Variants in PICALM observed in about 807,000 individuals in gnomAD.
The protein encoded by PICALM is phosphatidylinositol binding clathrin assembly protein.
Under a neutral mutation model 80.5 loss-of-function variants are expected in PICALM, and 40 were observed. The ratio of observed to expected loss-of-function variants is 0.50; its 90% CI spans 0.39 to 0.65. The LOEUF (loss-of-function observed/expected upper bound fraction) is 0.65, where lower values mean the gene tolerates loss of function less well. Among genes scored for constraint, PICALM ranks in the 30% least tolerant of loss-of-function variants. The pLI, the probability that PICALM is intolerant of heterozygous loss-of-function variation, is 0.00. For missense variants in PICALM, 676 were observed against 778.9 expected, an observed-to-expected ratio of 0.87 and a Z score of 1.57; for synonymous variants, 288 against 260.3, an observed-to-expected ratio of 1.11 and a Z score of -1.02.
intron 18 of PICALM, among the ~76,000 whole-genome samples, chr11:85,975,499 T>C (rs1310442192): frequency 6.6e-6 from 1 of 152,022 alleles, no homozygotes; most frequent in Non-Finnish European, 1.5e-5. Flanking sequence ...TCTAAAATCT[T>C]TCCTTTCAAG....
In PICALM at chr11:86,040,801, T is replaced by C. The variant is rs991534570; in HGVS notation, c.131-9190A>G. On this transcript the variant is annotated intron_variant, in intron 1 of 19. Coordinates refer to ENST00000393346, the MANE Select transcript of PICALM (RefSeq NM_007166.4). Reference sequence around the variant, plus strand: ...ACACTTTCAGAGCTATCCCTTTTGCTGGAAATGACCCGGATGCAATTCAAA... The same window carrying C: ...ACACTTTCAGAGCTATCCCTTTTGCCGGAAATGACCCGGATGCAATTCAAA... Among the ~76,000 whole-genome samples, 8 of 152,264 alleles carry C rather than the reference T, an allele frequency of 5.3e-5. No individual in the cohort carries two copies. In the East Asian group the frequency reaches 1.5e-3, roughly 29 times the overall value.
In PICALM at chr11:85,974,697, G is replaced by A; in HGVS notation, c.1944+11C>T. 6.8e-7 allele frequency: 1 copy of A among 1,478,310 alleles called. No individual in the cohort carries two copies. The highest frequency in any genetic ancestry group is 2.3e-5 in the East Asian group (1 of 44,250). 91.6% of individuals were successfully genotyped at this position (1,478,310 alleles called of 1,614,324 possible). ...AAACACATTACCACAGTTACATGTAGTGTGTAATACCTGTGCTCCTGATAC... is the reference window on the plus strand; with the variant it reads ...AAACACATTACCACAGTTACATGTAATGTGTAATACCTGTGCTCCTGATAC... On this transcript the variant is annotated intron_variant, in intron 19 of 19. Coordinates refer to ENST00000393346, the MANE Select transcript of PICALM (RefSeq NM_007166.4).
chr11:86,004,723 G>A (rs2095240775), intron 8 of PICALM, among the ~76,000 whole-genome samples: 1 of 152,126 alleles, frequency 6.6e-6, no homozygotes, highest in Non-Finnish European at 1.5e-5. Context: ...TCTAAAAATA[G>A]TTAAAGGGGC....
chr11:85,959,694 C>T (rs2135243203), intron 19 of PICALM, among the ~76,000 whole-genome samples: 1 of 149,914 alleles, frequency 6.7e-6, no homozygotes, highest in Non-Finnish European at 1.5e-5. Flanking sequence ...ACCCTCCTGC[C>T]TCAGCCTCCT....
chr11:86,059,321 T>C (rs1263213360), intron 1 of PICALM, among the ~76,000 whole-genome samples: 1 of 152,198 alleles, frequency 6.6e-6, no homozygotes, highest in African/African-American at 2.4e-5. Flanking sequence ...ATTCCTATTC[T>C]GTGGAGGAAA....
At chr11:85,984,257 C>A (rs2094519359) in intron 13 of PICALM, among the ~76,000 whole-genome samples, 1 of 152,088 alleles carries the variant, frequency 6.6e-6, no homozygotes, top group Non-Finnish European at 1.5e-5. Context: ...ATTTTATATG[C>A]AGATAATCTT....
intron 14 of PICALM, among the ~76,000 whole-genome samples, chr11:85,983,434 A>G (rs973315853): frequency 2.6e-5 from 4 of 152,236 alleles, no homozygotes; most frequent in African/African-American, 2.4e-5. Context: ...AATTGTTTAT[A>G]CACAGACTAT....
Position 86,068,855 on chromosome 11 carries a change from CACCCCCCACCGCACCCCCT to C in PICALM, c.-94_-76del. On this transcript the variant is annotated 5_prime_UTR_variant, in exon 1 of 20. Transcript: ENST00000393346. ...GGACCCCCAAGAGCCGGAGGGTCCCCACCCCCCACCGCACCCCCTACCCCCACCGGCTCCTTCCCCGCCT... is the reference window on the plus strand; with the variant it reads ...GGACCCCCAAGAGCCGGAGGGTCCCCACCCCCACCGGCTCCTTCCCCGCCT... The C allele has an allele frequency of 6.7e-7, 1 of 1,483,974 alleles. No homozygotes were observed. Among genetic ancestry groups the C allele is most frequent in the Non-Finnish European group, 8.9e-7 (1 of 1,118,972 alleles). The allele number at this position is 1,483,974 out of a possible 1,614,324, so 91.9% of individuals were successfully genotyped here.
At chr11:86,069,202 CCCTCGCTCAGCGAGGG>C (rs2096487480), upstream of PICALM, 1 of 188,598 alleles carries the variant, frequency 5.3e-6, no homozygotes, top group Non-Finnish European at 1.1e-5. Flanking sequence ...CGCCCGCCCT[CCCTCGCTCAGCGAGGG>C]AAGAGCTGGG....
intron 13 of PICALM, among the ~76,000 whole-genome samples, chr11:85,988,880 G>C (rs913823604): frequency 3.9e-5 from 6 of 152,190 alleles, no homozygotes; most frequent in African/African-American, 1.4e-4. Flanking sequence ...TATCTCATTA[G>C]AAAAGAAATA....
chr11:86,018,525 TA>T (rs1565431973), intron 4 of PICALM, among the ~76,000 whole-genome samples: 1 of 152,132 alleles, frequency 6.6e-6, no homozygotes, highest in East Asian at 1.9e-4. Context: ...CCACTGCTTT[TA>T]TAAGATTAAA....
chr11:86,030,321 A>G (rs2095727861), intron 2 of PICALM, among the ~76,000 whole-genome samples: 1 of 152,204 alleles, frequency 6.6e-6, no homozygotes, highest in South Asian at 2.1e-4. Context: ...AACTTTAATA[A>G]TGCTATATTG....
At chr11:86,018,889 A>T (rs640962) in intron 4 of PICALM, among the ~76,000 whole-genome samples, 1 of 50,586 alleles carries the variant, frequency 2.0e-5, no homozygotes, top group African/African-American at 1.1e-4. Context: ...ACTCTGACTT[A>T]AAAAAAAAAA....
chr11:86,060,122 A>G (rs530005312), intron 1 of PICALM, among the ~76,000 whole-genome samples: 1 of 152,170 alleles, frequency 6.6e-6, no homozygotes, highest in East Asian at 1.9e-4. Context: ...CAAATCCAAA[A>G]TTACTTTGAG....
At chr11:85,989,558 AC>A (rs2094696567) in intron 13 of PICALM, among the ~76,000 whole-genome samples, 1 of 152,158 alleles carries the variant, frequency 6.6e-6, no homozygotes, top group African/African-American at 2.4e-5. Context: ...GAATTCAAAA[AC>A]ATTTATTTCA....
intron 1 of PICALM, among the ~76,000 whole-genome samples, chr11:86,054,546 C>T (rs1425319153): frequency 6.6e-6 from 1 of 152,070 alleles, no homozygotes; most frequent in Non-Finnish European, 1.5e-5. Context: ...CGCTTTTTTG[C>T]CCCATGTCAC....
chr11:86,045,778 T>TA (rs1337506317), intron 1 of PICALM, among the ~76,000 whole-genome samples: 1 of 152,176 alleles, frequency 6.6e-6, no homozygotes, highest in Non-Finnish European at 1.5e-5. Flanking sequence ...TGTGAGAAAG[T>TA]AATATACATT....
chr11:86,035,954 AAAAAAAAAAAAG>A (rs1470806727), intron 1 of PICALM, among the ~76,000 whole-genome samples: 2 of 150,756 alleles, frequency 1.3e-5, no homozygotes, highest in Non-Finnish European at 2.9e-5. Context: ...CCTCAAAAAA[AAAAAAAAAAAAG>A]AAAAAAAAAG....
chr11:86,068,661 C>G lies in PICALM; in HGVS notation c.120G>C (p.Lys40Asn). Residue 40 changes from lysine (K) to asparagine (N), a missense_variant, in exon 1 of 20, where the codon AAG becomes AAC. Physicochemically the swap from Lys to Asn is moderately conservative, Grantham distance 94. Transcript: ENST00000393346. ...TTHEIMGPKKKHLDYLIQCTN... is the reference protein window; with the variant it reads ...TTHEIMGPKKNHLDYLIQCTN... ...GTCGGCTTCACTCACAGTCCAGGTG[C>G]TTTTTCTTGGGCCCCATGATCTCGT... 6.2e-7 allele frequency: 1 copy of G among 1,612,532 alleles called. No individual in the cohort carries two copies. Among genetic ancestry groups the G allele is most frequent in the Non-Finnish European group, 8.5e-7 (1 of 1,179,452 alleles).
Sources: gnomAD v4.1 joint callset for allele counts (sites outside exome capture counted in the v4.1 genomes callset) on GRCh38, gnomAD v4.1.1 for gene constraint, MANE v1.5 for transcripts, NCBI Gene and HGNC (gene_info 2026-07-23, HGNC 2026-07-21) for gene names.